FPGS: variants seen among roughly 807,000 people sequenced by gnomAD.
The protein encoded by FPGS is folylpolyglutamate synthase, mitochondrial.
FPGS carries 53 observed loss-of-function variants against 66.5 expected under a neutral mutation model. The ratio of observed to expected loss-of-function variants is 0.80; its 90% CI spans 0.64 to 1.00. FPGS has a LOEUF of 1.00. FPGS is among the 50% of genes least tolerant of loss of function. The pLI is 0.00. For missense variants in FPGS, 702 were observed against 807.7 expected (o/e 0.87, Z 1.59); for synonymous variants, 348 against 350.9 (o/e 0.99, Z 0.09).
Position 127,808,869 on chromosome 9 carries a change from C to T in FPGS, c.1040C>T (p.Pro347Leu), listed in dbSNP as rs1829942307. Residue 347 changes from proline to leucine, a missense_variant, in exon 11 of 15, where the codon CCC (proline) becomes CTC (leucine). By Grantham distance (98) the Pro-to-Leu change is moderately conservative. Transcript: ENST00000373247. The part of the protein sequence containing the change: ...WQLPLAPVFQ[P>L]TSHMRLGLRN... ...CTGCCCCTGGCACCTGTGTTCCAGC[C>T]CACATCCCACATGCGGCTCGGTGAG... 1 of 1,563,738 alleles carries T rather than the reference C, an allele frequency of 6.4e-7. No homozygotes were observed. Among genetic ancestry groups the T allele is most frequent in the Non-Finnish European group, 8.7e-7 (1 of 1,154,424 alleles).
Position 127,809,840 on chromosome 9 carries a change from G to T in FPGS, c.1211+6G>T. 1 of 1,451,552 alleles carries T rather than the reference G, an allele frequency of 6.9e-7. No individual in the cohort carries two copies. Among genetic ancestry groups the T allele is most frequent in the South Asian group, 1.4e-5 (1 of 71,736 alleles). 89.9% of individuals were successfully genotyped at this position (1,451,552 alleles called of 1,614,324 possible). A position where few individuals can be genotyped will look rare whatever the true frequency, so the allele number is the denominator to read the frequency against. On this transcript the variant is annotated splice_donor_region_variant and intron_variant, in intron 12 of 14. Coordinates refer to ENST00000373247, the MANE Select transcript of FPGS (RefSeq NM_004957.6). ...GGCCGCGAGAGGCCGAGCGGGTGAG[G>T]GGCAGGGCTGGGGGTGGGGCCGGGG...
Position 127,807,664 on chromosome 9 carries a change from A to G in FPGS, c.720A>G (p.Ala240=), listed in dbSNP as rs1311620186. The stretch of plus-strand genomic sequence containing the variant: ...TGGGGGATACGGTGGAGAAGATCGC[A>G]TGGCAGAAAGGGGGCATCTTTAAGG... ...SLLGDTVEKI[A]WQKGGIFKQG... The change falls in exon 8 of 15, where the codon GCA becomes GCG. Residue 240 remains alanine (A), a synonymous_variant. Transcript: ENST00000373247. The surrounding 1 kb of genome is among the most constrained non-coding windows in gnomAD (Gnocchi z 5.8). 1 of 1,593,238 alleles carries G rather than the reference A, an allele frequency of 6.3e-7. No homozygotes were observed.
In FPGS at chr9:127,813,862, T is replaced by C. The variant is rs972495338; in HGVS notation, c.*258T>C. ...TGCAGTGGCCTGGCCGTTCAGCCTG[T>C]CTCCCCCAACACCCCGCCTGCCTCC... is the stretch of plus-strand genomic sequence containing the variant. On this transcript the variant is annotated 3_prime_UTR_variant, in exon 15 of 15. Transcript: ENST00000373247. The C allele has an allele frequency of 1.6e-5, 20 of 1,223,940 alleles. No individual in the cohort carries two copies. In the Admixed American group the frequency reaches 1.7e-4, roughly 11 times the overall value. The allele number at this position is 1,223,940 out of a possible 1,614,324, so 75.8% of individuals were successfully genotyped here. A position where few individuals can be genotyped will look rare whatever the true frequency, so the allele number is the denominator to read the frequency against.
At chr9:127,806,447 A>G in intron 4 of FPGS, 1 of 156,292 alleles carries the variant, frequency 6.4e-6, no homozygotes, top group South Asian at 1.9e-4. Context: ...CAGAGGTTGC[A>G]GTGAGCCAAG....
chr9:127,808,824 G>C lies in FPGS; in HGVS notation c.995G>C (p.Arg332Thr). The C allele has an allele frequency of 6.4e-7, 1 of 1,563,080 alleles. No individual in the cohort carries two copies. Among genetic ancestry groups the C allele is most frequent in the South Asian group, 1.2e-5 (1 of 84,912 alleles). The change falls in exon 11 of 15, where the codon AGG becomes ACG. Residue 332 changes from arginine (R) to threonine (T), a missense_variant. Arg to Thr is a moderately conservative substitution (Grantham distance 71, BLOSUM62 -1). Transcript: ENST00000373247. ...GGTGCTGGGGAGCCAAAGGCATCCA[G>C]GCCAGGGCTCCTGTGGCAGCTGCCC... ...RHGAGEPKAS[R>T]PGLLWQLPLA...
Position 127,807,842 on chromosome 9 carries a change from A to G in FPGS, c.744+154A>G, listed in dbSNP as rs1829882421. ...GGGATGGCTGGGCATGGTGGCTTAT[A>G]TGCTTGCAATCCCAGCATTTCAGGA... On this transcript the variant is annotated intron_variant, in intron 8 of 14. Coordinates refer to ENST00000373247, the MANE Select transcript of FPGS (RefSeq NM_004957.6). The surrounding 1 kb of genome is among the most constrained non-coding windows in gnomAD (Gnocchi z 5.8). 7 of 598,912 alleles carry G rather than the reference A, an allele frequency of 1.2e-5. No homozygotes were observed. Among genetic ancestry groups the G allele is most frequent in the African/African-American group, 1.9e-5 (1 of 53,650 alleles). 37.1% of individuals were successfully genotyped at this position (598,912 alleles called of 1,614,324 possible).
rs1829663801 is a variant in FPGS, at chr9:127,803,031, C to T, written c.107C>T (p.Pro36Leu). The change falls in exon 1 of 15, where the codon CCG becomes CTG. Residue 36 changes from proline (P) to leucine (L), a missense_variant. Physicochemically the swap from Pro to Leu is moderately conservative, Grantham distance 98. Transcript: ENST00000373247. ...VAARRGLSAWPVPQEPSMEYQ... is the reference protein window; with the variant it reads ...VAARRGLSAWLVPQEPSMEYQ... The stretch of plus-strand genomic sequence containing the variant: ...GCGCGGCGGGGCTTGAGCGCGTGGC[C>T]GGTGCCGCAGGAGCCGAGCATGGAG... 3 of 1,453,686 alleles carry T rather than the reference C, an allele frequency of 2.1e-6. No individual in the cohort carries two copies. The highest frequency in any genetic ancestry group is 1.5e-5 in the African/African-American group (1 of 67,026). The allele number at this position is 1,453,686 out of a possible 1,614,324, so 90.0% of individuals were successfully genotyped here. A position where few individuals can be genotyped will look rare whatever the true frequency, so the allele number is the denominator to read the frequency against.
intron 1 of FPGS, among the ~76,000 whole-genome samples, 184 bp from the exon 2 acceptor site, chr9:127,804,101 C>T (rs903247527): frequency 2.0e-5 from 3 of 152,306 alleles, no homozygotes; most frequent in South Asian, 4.1e-4. Flanking sequence ...CCATTTTTGC[C>T]AGAGCTGGAA....
rs772945664 is a variant in FPGS, at chr9:127,807,331, C to T, written c.579+45C>T. On this transcript the variant is annotated intron_variant, in intron 6 of 14. Transcript: ENST00000373247. The surrounding 1 kb of genome is among the most constrained non-coding windows in gnomAD (Gnocchi z 5.8). ...AACCCTGCATCTGAGGCCTTGGGAA[C>T]GGGAACCTCAGCAGGCCTGGGGGCT... is the stretch of plus-strand genomic sequence containing the variant. 27 of 1,612,404 alleles carry T rather than the reference C, an allele frequency of 1.7e-5. 1 individual carries two copies. In the Middle Eastern group the frequency reaches 1.2e-3, roughly 69 times the overall value.
chr9:127,807,908 C>A lies in FPGS; in HGVS notation c.744+220C>A. The A allele has an allele frequency of 1.8e-6, 1 of 570,816 alleles. No individual in the cohort carries two copies. 35.4% of individuals were successfully genotyped at this position (570,816 alleles called of 1,614,324 possible). On this transcript the variant is annotated intron_variant, in intron 8 of 14. Coordinates refer to ENST00000373247, the MANE Select transcript of FPGS (RefSeq NM_004957.6). The surrounding 1 kb of genome is among the most constrained non-coding windows in gnomAD (Gnocchi z 5.8). ...ATCACCTGAGATCCGGAGTTTGAGA[C>A]CAGCCTGACCAATATGGGGAAACTC... is the stretch of plus-strand genomic sequence containing the variant.
chr9:127,807,157 C>T lies in FPGS; in HGVS notation c.502-52C>T. 2 of 1,607,190 alleles carry T rather than the reference C, an allele frequency of 1.2e-6. No individual in the cohort carries two copies. The highest frequency in any genetic ancestry group is 1.1e-5 in the South Asian group (1 of 90,954). On this transcript the variant is annotated intron_variant, in intron 5 of 14. Transcript: ENST00000373247. This position sits in a 1 kb window ranked among gnomAD's most constrained non-coding sequence, Gnocchi z 5.8. ...CTACGTGTTCCAGCACCCCATCTCC[C>T]CAGAGAAGGGGCTGCATGGGCTCTG...
Position 127,813,840 on chromosome 9 carries a change from A to G in FPGS, c.*236A>G. On this transcript the variant is annotated 3_prime_UTR_variant, in exon 15 of 15. Coordinates refer to ENST00000373247, the MANE Select transcript of FPGS (RefSeq NM_004957.6). The stretch of plus-strand genomic sequence containing the variant: ...GGCTCCCCGGGTCTCTCACTGTTGC[A>G]GTGGCCTGGCCGTTCAGCCTGTCTC... The G allele has an allele frequency of 8.0e-7, 1 of 1,249,176 alleles. No homozygotes were observed. Among genetic ancestry groups the G allele is most frequent in the East Asian group, 3.2e-5 (1 of 31,084 alleles). 77.4% of individuals were successfully genotyped at this position (1,249,176 alleles called of 1,614,324 possible). A position where few individuals can be genotyped will look rare whatever the true frequency, so the allele number is the denominator to read the frequency against.
At chr9:127,813,135 C>G in intron 14 of FPGS, 60 bp from the exon 15 acceptor site, 1 of 1,504,136 alleles carries the variant, frequency 6.6e-7, no homozygotes, top group African/African-American at 1.4e-5. Flanking sequence ...GCCCCTTTCT[C>G]CACCCCTGTC....
rs533224586 is a variant in FPGS, at chr9:127,809,849, TG to T, written c.1211+20del. On this transcript the variant is annotated intron_variant, in intron 12 of 14. Coordinates refer to ENST00000373247, the MANE Select transcript of FPGS (RefSeq NM_004957.6). ...AGGCCGAGCGGGTGAGGGGCAGGGC[TG>T]GGGGTGGGGCCGGGGCTGGCCCACG... The T allele has an allele frequency of 1.0e-5, 9 of 873,096 alleles. No individual in the cohort carries two copies. Among genetic ancestry groups the T allele is most frequent in the African/African-American group, 4.4e-5 (2 of 44,990 alleles). 54.1% of individuals were successfully genotyped at this position (873,096 alleles called of 1,614,324 possible).
At chr9:127,804,197 C>T in intron 1 of FPGS, 88 bp from the exon 2 acceptor site, 2 of 1,540,412 alleles carry the variant, frequency 1.3e-6, no homozygotes, top group Non-Finnish European at 1.8e-6. Context: ...CCTTGTTGCC[C>T]TGGCTTGGCC....
chr9:127,803,846 A>T (rs1829705449), intron 1 of FPGS, among the ~76,000 whole-genome samples: 1 of 151,998 alleles, frequency 6.6e-6, no homozygotes, highest in Non-Finnish European at 1.5e-5. Flanking sequence ...GGAATGTGGA[A>T]CCCCAGAGTC....
intron 11 of FPGS, 33 bp from the exon 12 acceptor site, chr9:127,809,651 G>A: frequency 6.4e-7 from 1 of 1,562,250 alleles, no homozygotes; most frequent in Non-Finnish European, 8.6e-7. Context: ...GGTGGGAGAG[G>A]GCCTGGAGGA....
chr9:127,809,726 G>A lies in FPGS; in HGVS notation c.1103G>A (p.Arg368Gln), dbSNP rs1186491225. The A allele has an allele frequency of 6.3e-7, 1 of 1,588,084 alleles. No individual in the cohort carries two copies. The highest frequency in any genetic ancestry group is 8.5e-7 in the Non-Finnish European group (1 of 1,175,482). ...TGGCCGGGCCGGACGCAGGTGCTGC[G>A]GCGCGGGCCCCTCACCTGGTACCTG... ...TEWPGRTQVL[R>Q]RGPLTWYLDG... The change falls in exon 12 of 15, where the codon CGG becomes CAG. Residue 368 changes from arginine (R) to glutamine (Q), a missense_variant. Around this residue, in one of 3 missense-constraint regions of FPGS, gnomAD observed 351 missense variants for 363.7 expected, o/e 0.97. Transcript: ENST00000373247.
At chr9:127,803,504 G>GC in intron 1 of FPGS, 3 of 748,210 alleles carry the variant, frequency 4.0e-6, no homozygotes, top group Non-Finnish European at 4.9e-6. Flanking sequence ...CAAGTGCCTG[G>GC]ATTTGGGGGA....
Sources: allele counts gnomAD v4.1 joint callset (sites outside exome capture counted in the v4.1 genomes callset), GRCh38; gene constraint gnomAD v4.1.1; regional missense constraint gnomAD v4.1.1; non-coding constraint Gnocchi (gnomAD v3.1); transcripts MANE v1.5; gene names NCBI Gene and HGNC (gene_info 2026-07-23, HGNC 2026-07-21).